GRIK1: variants seen among roughly 807,000 people sequenced by gnomAD.
The protein encoded by GRIK1 is glutamate ionotropic receptor kainate type subunit 1.
Under a neutral mutation model 105.7 loss-of-function variants are expected in GRIK1, and 69 were observed. The ratio of observed to expected loss-of-function variants is 0.65; its 90% confidence interval spans 0.54 to 0.80. The LOEUF is 0.80. Ranked by LOEUF, GRIK1 falls within the 30% of genes least tolerant of loss-of-function variation. GRIK1 has a pLI of 0.00. For synonymous variants in GRIK1, 438 were observed against 431.3 expected, an observed-to-expected ratio of 1.02 and a Z score of -0.19; for missense variants, 1,109 against 1,167.3, an observed-to-expected ratio of 0.95 and a Z score of 0.73.
chr21:29,734,561 G>A (rs1411521246), intron 1 of GRIK1, among the ~76,000 whole-genome samples: 1 of 151,560 alleles, frequency 6.6e-6, no homozygotes, highest in East Asian at 1.9e-4. Context: ...CACCATGCCT[G>A]GCTAATTTTT....
At chr21:29,548,513 G>A (rs1357519360) in intron 16 of GRIK1, among the ~76,000 whole-genome samples, 3 of 152,146 alleles carry the variant, frequency 2.0e-5, no homozygotes, top group Non-Finnish European at 1.5e-5. Context: ...ATCTACAAGA[G>A]TTAATTAATA....
chr21:29,740,835 G>A (rs77704164), intron 1 of GRIK1, among the ~76,000 whole-genome samples: 1,636 of 152,322 alleles, frequency 0.011, 18 homozygotes, highest in Admixed American at 0.016. Context: ...CACTGCAGAC[G>A]ACTCAGGGGG....
rs113746464 is a variant in GRIK1, at chr21:29,732,298, TA to T, written c.119-38236del. ...CAAAACCCATCAGCACCTTCAAACATAGGGGCTGAAGGCAACACTATTTTTA... is the reference window on the plus strand; with the variant it reads ...CAAAACCCATCAGCACCTTCAAACATGGGGCTGAAGGCAACACTATTTTTA... On this transcript the variant is annotated intron_variant, in intron 1 of 17. Transcript: ENST00000327783. Among the ~76,000 whole-genome samples, 568 of 152,244 alleles carry T rather than the reference TA, an allele frequency of 3.7e-3. 1 individual carries two copies. The highest frequency in any genetic ancestry group is 0.013 in the African/African-American group (544 of 41,550).
intron 1 of GRIK1, among the ~76,000 whole-genome samples, chr21:29,813,127 C>T (rs1295763671): frequency 6.6e-6 from 1 of 152,092 alleles, no homozygotes; most frequent in East Asian, 1.9e-4. Context: ...ATGCCTGGCA[C>T]ACGCATGTAA....
chr21:29,725,984 C>A (rs572518689), intron 1 of GRIK1, among the ~76,000 whole-genome samples: 1 of 152,090 alleles, frequency 6.6e-6, no homozygotes, highest in Admixed American at 6.6e-5. Context: ...GATTTTAATG[C>A]CCATTAGAAT....
intron 1 of GRIK1, among the ~76,000 whole-genome samples, chr21:29,878,973 G>A (rs923828362): frequency 3.9e-5 from 6 of 152,134 alleles, no homozygotes; most frequent in Non-Finnish European, 5.9e-5. Context: ...CATTTCTATT[G>A]TTTGTACGTC....
intron 1 of GRIK1, among the ~76,000 whole-genome samples, chr21:29,799,522 G>GT (rs1308828735): frequency 6.6e-6 from 1 of 151,176 alleles, no homozygotes; most frequent in Non-Finnish European, 1.5e-5. Flanking sequence ...GTTTTCATTT[G>GT]TTTTTTGTTT....
intron 1 of GRIK1, among the ~76,000 whole-genome samples, chr21:29,864,389 T>G (rs1569170758): frequency 6.6e-6 from 1 of 152,166 alleles, no homozygotes; most frequent in South Asian, 2.1e-4. Flanking sequence ...TTCTCTGAAT[T>G]TTGACCTCTT....
At chr21:29,587,648 T>G (rs1601191683) in intron 11 of GRIK1, 59 bp from the exon 12 acceptor site, 2 of 894,536 alleles carry the variant, frequency 2.2e-6, no homozygotes, top group African/African-American at 3.3e-5. Flanking sequence ...ATGTCTAGAC[T>G]TTTCCTGGGT....
chr21:29,690,100 A>G (rs1220856735), intron 2 of GRIK1, 115 bp from the exon 3 acceptor site: 9 of 828,804 alleles, frequency 1.1e-5, no homozygotes, highest in Non-Finnish European at 1.1e-5. Flanking sequence ...TAATGCAACT[A>G]TTGAAAAATC....
At chr21:29,705,760 C>G (rs920117781) in intron 1 of GRIK1, among the ~76,000 whole-genome samples, 1 of 152,126 alleles carries the variant, frequency 6.6e-6, no homozygotes. Context: ...TGAAAAACAG[C>G]ATCTTTTAAT....
intron 4 of GRIK1, among the ~76,000 whole-genome samples, chr21:29,670,552 C>T (rs948152622): frequency 6.6e-6 from 1 of 152,220 alleles, no homozygotes; most frequent in Admixed American, 6.5e-5. Flanking sequence ...ACTGTTCTTG[C>T]CTATTCCAGA....
intron 15 of GRIK1, among the ~76,000 whole-genome samples, chr21:29,560,047 G>T (rs2090353234): frequency 6.6e-6 from 1 of 152,130 alleles, no homozygotes. Flanking sequence ...ATGATGTGGA[G>T]AGTCATATTG....
rs73348574 is a variant in GRIK1, at chr21:29,586,054, C to T, written c.1793+1312G>A. Among the ~76,000 whole-genome samples, 1,237 of 152,290 alleles carry T rather than the reference C, an allele frequency of 8.1e-3. 22 individuals are homozygous for T. Among genetic ancestry groups the T allele is most frequent in the African/African-American group, 0.028 (1,178 of 41,556 alleles). On this transcript the variant is annotated intron_variant, in intron 12 of 17. Transcript: ENST00000327783. The stretch of plus-strand genomic sequence containing the variant: ...GTTTGTAGACATTTCCAAATGTTCC[C>T]TGGGGGACAAAATCCCTCCTGGTTG...
chr21:29,753,080 G>A (rs1282656797), intron 1 of GRIK1, among the ~76,000 whole-genome samples: 1 of 152,194 alleles, frequency 6.6e-6, no homozygotes, highest in African/African-American at 2.4e-5. Context: ...TTTTTCTGGT[G>A]AGTGCATGCA....
chr21:29,611,862 T>A (rs1262527014), intron 7 of GRIK1, among the ~76,000 whole-genome samples: 1 of 152,240 alleles, frequency 6.6e-6, no homozygotes, highest in Non-Finnish European at 1.5e-5. Flanking sequence ...TTTTCTATCA[T>A]CACTAAAATC....
chr21:29,557,309 T>C (rs1281031826), intron 15 of GRIK1, among the ~76,000 whole-genome samples: 1 of 152,182 alleles, frequency 6.6e-6, no homozygotes, highest in Non-Finnish European at 1.5e-5. Flanking sequence ...AGAAGAAATC[T>C]TAGGAATGAT....
chr21:29,874,644 A>G (rs467739), intron 1 of GRIK1, among the ~76,000 whole-genome samples: 83,716 of 152,106 alleles, frequency 0.55, 27,753 homozygotes, highest in Non-Finnish European at 0.74. Context: ...AGGAGCATGT[A>G]TTAATATAAC....
At chr21:29,608,197 T>C (rs930031398) in intron 7 of GRIK1, among the ~76,000 whole-genome samples, 45 of 152,150 alleles carry the variant, frequency 3.0e-4, no homozygotes, top group Non-Finnish European at 5.6e-4. Context: ...TTGAAGATGA[T>C]GTTCAAAGAA....
Sources: allele counts gnomAD v4.1 joint callset (sites outside exome capture counted in the v4.1 genomes callset), GRCh38; gene constraint gnomAD v4.1.1; transcripts MANE v1.5; gene names NCBI Gene and HGNC (gene_info 2026-07-23, HGNC 2026-07-21).